GIPC2: variants seen among roughly 807,000 people sequenced by gnomAD.
GIPC2 encodes the protein PDZ domain-containing protein GIPC2.
GIPC2 carries 30 observed loss-of-function variants against 30.6 expected under a neutral mutation model. The ratio of observed to expected loss-of-function variants is 0.98; its 90% confidence interval spans 0.73 to 1.33. The LOEUF is 1.33. Ranked by LOEUF, GIPC2 falls within the 40% of genes most tolerant of loss-of-function variation. The pLI is 0.00. For synonymous variants in GIPC2, 167 were observed against 150.0 expected (o/e 1.11, Z -0.83); for missense variants, 414 against 390.3 (o/e 1.06, Z -0.51).
Position 78,082,945 on chromosome 1 carries a change from C to T in GIPC2, c.426+2085C>T, listed in dbSNP as rs79087513. Among the ~76,000 whole-genome samples the T allele has an allele frequency of 1.1e-3, 88 of 78,036 alleles. No individual in the cohort carries two copies. The Middle Eastern group carries it at 0.019, about 17-fold the overall frequency. The allele number at this position is 78,036 out of a possible 152,430, so 51.2% of individuals were successfully genotyped here. On this transcript the variant is annotated intron_variant, in intron 2 of 5. Coordinates refer to ENST00000370759, the MANE Select transcript of GIPC2 (RefSeq NM_017655.6). ...TTTTTTGTTCTGTCTCATACACACA[C>T]ATATATATATATATACTCTTTACCC...
At chr1:78,094,068 C>G (rs1662092608) in intron 2 of GIPC2, among the ~76,000 whole-genome samples, 1 of 152,174 alleles carries the variant, frequency 6.6e-6, no homozygotes, top group African/African-American at 2.4e-5. Context: ...ATCTAAAATA[C>G]ATAAATGAAA....
intron 3 of GIPC2, among the ~76,000 whole-genome samples, chr1:78,096,762 AC>A (rs1662143983): frequency 6.6e-6 from 1 of 152,302 alleles, no homozygotes; most frequent in Admixed American, 6.5e-5. Context: ...TTTGCAAAGT[AC>A]CCTGAGTAGG....
intron 1 of GIPC2, among the ~76,000 whole-genome samples, chr1:78,072,566 C>T (rs1661640591): frequency 6.6e-6 from 1 of 151,860 alleles, no homozygotes; most frequent in Non-Finnish European, 1.5e-5. Flanking sequence ...TTTTTCTCCC[C>T]CATAATTATT....
chr1:78,126,720 A>C (rs1196891743), intron 5 of GIPC2, among the ~76,000 whole-genome samples: 1 of 152,128 alleles, frequency 6.6e-6, no homozygotes, highest in Non-Finnish European at 1.5e-5. Context: ...TGGCAGCTTC[A>C]GTCTCTCCCT....
At chr1:78,111,486 AAAG>A (rs1423321959) in intron 3 of GIPC2, among the ~76,000 whole-genome samples, 1 of 152,224 alleles carries the variant, frequency 6.6e-6, no homozygotes, top group African/African-American at 2.4e-5. Context: ...ATACTGTTTT[AAAG>A]AAGAAATAAA....
At chr1:78,056,819 T>G (rs1661306779) in intron 1 of GIPC2, among the ~76,000 whole-genome samples, 1 of 152,222 alleles carries the variant, frequency 6.6e-6, no homozygotes, top group African/African-American at 2.4e-5. Context: ...ATATAGTTTT[T>G]TCATTTATGT....
chr1:78,133,380 G>A (rs901290039), intron 5 of GIPC2, among the ~76,000 whole-genome samples: 1 of 152,128 alleles, frequency 6.6e-6, no homozygotes, highest in African/African-American at 2.4e-5. Context: ...AGAATCTCAG[G>A]GCTGCAGAAC....
chr1:78,111,404 G>A (rs1295710831), intron 3 of GIPC2, among the ~76,000 whole-genome samples: 1 of 152,142 alleles, frequency 6.6e-6, no homozygotes, highest in Non-Finnish European at 1.5e-5. Flanking sequence ...ATCCACTTTA[G>A]AGGACCTCAG....
chr1:78,126,280 AG>A (rs1238423995), intron 5 of GIPC2, among the ~76,000 whole-genome samples: 1 of 152,246 alleles, frequency 6.6e-6, no homozygotes, highest in Non-Finnish European at 1.5e-5. Context: ...TACATATAAA[AG>A]GCATTATTAT....
intron 1 of GIPC2, among the ~76,000 whole-genome samples, chr1:78,065,408 C>T (rs1401407161): frequency 2.6e-5 from 4 of 151,546 alleles, no homozygotes; most frequent in African/African-American, 9.7e-5. Flanking sequence ...CCAAAGAAAT[C>T]AGAGATATCA....
At chr1:78,124,542 A>G (rs942194185) in intron 4 of GIPC2, among the ~76,000 whole-genome samples, 18 of 152,330 alleles carry the variant, frequency 1.2e-4, no homozygotes, top group African/African-American at 4.1e-4. Flanking sequence ...AGTCCTTTTC[A>G]TGGTACACAG....
At chr1:78,090,544 A>T (rs956587279) in intron 2 of GIPC2, among the ~76,000 whole-genome samples, 2 of 152,196 alleles carry the variant, frequency 1.3e-5, no homozygotes, top group African/African-American at 4.8e-5. Flanking sequence ...TATAACATGC[A>T]ATTAAGAAAT....
chr1:78,106,484 CA>C (rs1662355607), intron 3 of GIPC2, among the ~76,000 whole-genome samples: 3 of 150,544 alleles, frequency 2.0e-5, no homozygotes, highest in South Asian at 4.2e-4. Flanking sequence ...GGCATGAACC[CA>C]GGGGGCGGGG....
At chr1:78,045,895 G>C (rs1230928387), upstream of GIPC2, 2 of 1,342,434 alleles carry the variant, frequency 1.5e-6, no homozygotes, top group East Asian at 3.1e-5. Flanking sequence ...GATCCATCCC[G>C]GGGGAGGCTG....
chr1:78,124,714 C>T (rs1662750294), intron 4 of GIPC2, among the ~76,000 whole-genome samples: 1 of 152,156 alleles, frequency 6.6e-6, no homozygotes, highest in Non-Finnish European at 1.5e-5. Context: ...TCATTGAAAA[C>T]ACAGTTCTTG....
At chr1:78,076,310 C>T (rs1334616667) in intron 1 of GIPC2, among the ~76,000 whole-genome samples, 1 of 152,188 alleles carries the variant, frequency 6.6e-6, no homozygotes, top group Non-Finnish European at 1.5e-5. Flanking sequence ...TCTTCTGGCC[C>T]CAAAGGGCAA....
chr1:78,061,539 C>T (rs1213502059), intron 1 of GIPC2, among the ~76,000 whole-genome samples: 3 of 150,762 alleles, frequency 2.0e-5, no homozygotes, highest in East Asian at 3.9e-4. Context: ...TTCCTTCTGT[C>T]GCCCAGGCTG....
At chr1:78,062,298 T>A (rs1661408896) in intron 1 of GIPC2, among the ~76,000 whole-genome samples, 1 of 152,174 alleles carries the variant, frequency 6.6e-6, no homozygotes, top group Non-Finnish European at 1.5e-5. Context: ...CACCTGAAGC[T>A]TCTCACATTT....
intron 3 of GIPC2, among the ~76,000 whole-genome samples, chr1:78,117,857 A>G (rs1453900418): frequency 2.0e-5 from 3 of 152,172 alleles, no homozygotes; most frequent in Non-Finnish European, 4.4e-5. Flanking sequence ...GTTTGATTTA[A>G]TTGTCCAAAC....
Sources: gnomAD v4.1 joint callset for allele counts (sites outside exome capture counted in the v4.1 genomes callset) on GRCh38, gnomAD v4.1.1 for gene constraint, MANE v1.5 for transcripts, NCBI Gene and HGNC (gene_info 2026-07-23, HGNC 2026-07-21) for gene names.